Variants in ZNF837 observed in about 807,000 individuals in gnomAD.
ZNF837 encodes zinc finger protein 837.
For synonymous variants in ZNF837, 475 were observed against 365.2 expected (o/e 1.30, Z -3.43); for missense variants, 955 against 801.7 (o/e 1.19, Z -2.31).
At chr19:58,372,938 G>A (rs1174937541) in intron 1 of ZNF837, among the ~76,000 whole-genome samples, 2 of 152,228 alleles carry the variant, frequency 1.3e-5, no homozygotes, top group Non-Finnish European at 2.9e-5. Context: ...GAAAGGCCCA[G>A]TGCCAAGGGT....
chr19:58,369,097 C>A lies in ZNF837; in HGVS notation c.236G>T (p.Arg79Leu). The change falls in exon 3 of 3, where the codon CGG becomes CTG. Residue 79 changes from arginine (R) to leucine (L), a missense_variant. Transcript: ENST00000597582. Reference protein sequence around the residue: ...SLGVSPGPGTRHSAGTRPLVR... With the variant: ...SLGVSPGPGTLHSAGTRPLVR... Reference sequence around the variant, plus strand: ...GAGGGGTCTGGTCCCGGCGCTGTGCCGGGTCCCCGGGCCGGGGCTCACCCC... The same window carrying A: ...GAGGGGTCTGGTCCCGGCGCTGTGCAGGGTCCCCGGGCCGGGGCTCACCCC... 2 of 1,507,194 alleles carry A rather than the reference C, an allele frequency of 1.3e-6. No homozygotes were observed. The highest frequency in any genetic ancestry group is 2.5e-5 in the South Asian group (2 of 78,548). The allele number at this position is 1,507,194 out of a possible 1,614,324, so 93.4% of individuals were successfully genotyped here.
At chr19:58,380,632 T>G (rs1255372935) in intron 1 of ZNF837, among the ~76,000 whole-genome samples, 1 of 152,140 alleles carries the variant, frequency 6.6e-6, no homozygotes, top group Non-Finnish European at 1.5e-5. Context: ...TGGGCTTGAC[T>G]CCGAGAGCCG....
At chr19:58,376,156 T>A (rs934214436) in intron 1 of ZNF837, among the ~76,000 whole-genome samples, 4 of 151,972 alleles carry the variant, frequency 2.6e-5, no homozygotes, top group African/African-American at 9.7e-5. Context: ...TGGCCTCAAG[T>A]GATCCCCCTG....
chr19:58,370,980 G>A (rs529377703), intron 1 of ZNF837, among the ~76,000 whole-genome samples: 2 of 151,744 alleles, frequency 1.3e-5, no homozygotes, highest in South Asian at 2.1e-4. Flanking sequence ...GGTGGCTCAC[G>A]CCTGTAATCC....
Position 58,368,608 on chromosome 19 carries a change from GCC to G in ZNF837, c.723_724del (p.Gln241HisfsTer10), listed in dbSNP as rs1446133586. On this transcript the variant is annotated frameshift_variant, in exon 3 of 3. Coordinates refer to ENST00000597582, the MANE Select transcript of ZNF837 (RefSeq NM_138466.2). LOFTEE classifies it low-confidence loss of function (END_TRUNC). ...AGGACACACTGGGGGACTCTTGCCC[GCC>G]TGCTGCTGCTGGTTGGGGCGGAAGC... is the stretch of plus-strand genomic sequence containing the variant. 4 of 1,532,880 alleles carry G rather than the reference GCC, an allele frequency of 2.6e-6. No individual in the cohort carries two copies. The highest frequency in any genetic ancestry group is 1.2e-5 in the South Asian group (1 of 83,568). 95.0% of individuals were successfully genotyped at this position (1,532,880 alleles called of 1,614,324 possible).
intron 2 of ZNF837, 78 bp from the exon 3 acceptor site, chr19:58,369,439 C>A: frequency 1.6e-6 from 2 of 1,223,542 alleles, no homozygotes; most frequent in Non-Finnish European, 2.1e-6. Context: ...CGAGCGACCA[C>A]CCCACAGCTG....
At chr19:58,372,102 T>C (rs1193239312) in intron 1 of ZNF837, among the ~76,000 whole-genome samples, 1 of 151,592 alleles carries the variant, frequency 6.6e-6, no homozygotes, top group East Asian at 1.9e-4. Flanking sequence ...TTGCCCAGGC[T>C]GGAATGAAGT....
Position 58,368,512 on chromosome 19 carries a change from T to G in ZNF837, c.821A>C (p.Asp274Ala). ...DPPAQRLYAC[D>A]ECGKAFTRTS... is the part of the protein sequence containing the mutation. Reference sequence around the variant, plus strand: ...GCGCGTGAAGGCCTTGCCGCACTCGTCGCAAGCGTACAGTCGCTGGGCCGG... The same window carrying G: ...GCGCGTGAAGGCCTTGCCGCACTCGGCGCAAGCGTACAGTCGCTGGGCCGG... The change falls in exon 3 of 3, where the codon GAC becomes GCC. Residue 274 changes from aspartate to alanine, a missense_variant. Asp to Ala is a moderately radical substitution (Grantham distance 126). Coordinates refer to ENST00000597582, the MANE Select transcript of ZNF837 (RefSeq NM_138466.2). 6.5e-7 allele frequency: 1 copy of G among 1,546,644 alleles called. No individual in the cohort carries two copies. The highest frequency in any genetic ancestry group is 8.7e-7 in the Non-Finnish European group (1 of 1,147,004).
At chr19:58,373,752 C>G (rs2052219950) in intron 1 of ZNF837, among the ~76,000 whole-genome samples, 1 of 152,264 alleles carries the variant, frequency 6.6e-6, no homozygotes, top group Admixed American at 6.5e-5. Flanking sequence ...ATGAATCTAA[C>G]CCACAGACAC....
At chr19:58,376,634 T>A (rs1391187746) in intron 1 of ZNF837, among the ~76,000 whole-genome samples, 5 of 149,568 alleles carry the variant, frequency 3.3e-5, no homozygotes, top group Admixed American at 6.6e-5. Flanking sequence ...AAACAAGTTC[T>A]TTTAAATCTC....
At chr19:58,379,025 G>A (rs1305294307) in intron 1 of ZNF837, among the ~76,000 whole-genome samples, 1 of 152,204 alleles carries the variant, frequency 6.6e-6, no homozygotes, top group African/African-American at 2.4e-5. Flanking sequence ...GTTTTAAACT[G>A]CCCAGTTTGT....
chr19:58,369,985 C>T (rs1188589999), intron 1 of ZNF837, 57 bp from the exon 2 acceptor site: 1 of 152,184 alleles, frequency 6.6e-6, no homozygotes, highest in Non-Finnish European at 1.5e-5. Context: ...AGACAGGCAG[C>T]CCAGATCATT....
chr19:58,367,840 G>A lies in ZNF837; in HGVS notation c.1493C>T (p.Thr498Met), dbSNP rs1343663926. ...CSLVRHLRTH[T>M]GERPYACGDC... ...TCCGCACGCGTAGGGCCGCTCGCCCGTGTGCGTGCGCAGGTGGCGCACCAG... is the reference window on the plus strand; with the variant it reads ...TCCGCACGCGTAGGGCCGCTCGCCCATGTGCGTGCGCAGGTGGCGCACCAG... Residue 498 changes from threonine (T) to methionine (M), a missense_variant, in exon 3 of 3, where the codon ACG becomes ATG. Coordinates refer to ENST00000597582, the MANE Select transcript of ZNF837 (RefSeq NM_138466.2). The A allele has an allele frequency of 2.7e-5, 41 of 1,535,794 alleles. No individual in the cohort carries two copies. Among genetic ancestry groups the A allele is most frequent in the African/African-American group, 9.6e-5 (7 of 72,814 alleles).
chr19:58,369,500 A>G (rs1179250146), intron 2 of ZNF837, 139 bp from the exon 3 acceptor site: 4 of 620,406 alleles, frequency 6.4e-6, no homozygotes, highest in Non-Finnish European at 9.5e-6. Context: ...GGGTAAATGG[A>G]GTGACATAGG....
At chr19:58,377,005 C>T (rs1287623910) in intron 1 of ZNF837, among the ~76,000 whole-genome samples, 1 of 151,694 alleles carries the variant, frequency 6.6e-6, no homozygotes, top group Non-Finnish European at 1.5e-5. Context: ...ATCACGAGGT[C>T]AGGAGATTGA....
chr19:58,375,448 G>A (rs2052237366), intron 1 of ZNF837, among the ~76,000 whole-genome samples: 1 of 150,440 alleles, frequency 6.6e-6, no homozygotes, highest in Admixed American at 6.6e-5. Context: ...GTTTTGTTTT[G>A]TTTTGTTTTG....
In ZNF837 at chr19:58,368,144, C is replaced by A; in HGVS notation, c.1189G>T (p.Gly397Cys). The A allele has an allele frequency of 6.3e-7, 1 of 1,588,454 alleles. No individual in the cohort carries two copies. The highest frequency in any genetic ancestry group is 1.1e-5 in the South Asian group (1 of 88,268). ...GEKPYACPEC[G>C]KAFNQRSNLS... The stretch of plus-strand genomic sequence containing the variant: ...TTCGAGCGCTGGTTGAAGGCCTTGC[C>A]GCACTCGGGGCACGCGTAGGGCTTC... Residue 397 changes from glycine to cysteine, a missense_variant, in exon 3 of 3, where the codon GGC becomes TGC. Gly to Cys is a radical substitution (Grantham distance 159, BLOSUM62 -3). Transcript: ENST00000597582.
intron 1 of ZNF837, among the ~76,000 whole-genome samples, chr19:58,379,424 G>A (rs986919365): frequency 1.3e-5 from 2 of 152,186 alleles, no homozygotes; most frequent in Non-Finnish European, 2.9e-5. Context: ...CTGCTCCCAG[G>A]ATGCACTGTC....
In ZNF837 at chr19:58,368,924, G is replaced by T. The variant is rs1023070625; in HGVS notation, c.409C>A (p.Pro137Thr). 6.5e-7 allele frequency: 1 copy of T among 1,546,506 alleles called. No individual in the cohort carries two copies. The highest frequency in any genetic ancestry group is 8.7e-7 in the Non-Finnish European group (1 of 1,144,962). ...CACACGGGTGGCGTCTCCCCAGCGGGCGCCCCGCGATGCCACGCCAGGCAG... is the reference window on the plus strand; with the variant it reads ...CACACGGGTGGCGTCTCCCCAGCGGTCGCCCCGCGATGCCACGCCAGGCAG... ...NSCLAWHRGA[P>T]AGETPPVCDP... Residue 137 changes from proline to threonine, a missense_variant, in exon 3 of 3, where the codon CCC becomes ACC. Transcript: ENST00000597582.
Sources: gnomAD v4.1 joint callset for allele counts (sites outside exome capture counted in the v4.1 genomes callset) on GRCh38, gnomAD v4.1.1 for gene constraint, MANE v1.5 for transcripts, NCBI Gene and HGNC (gene_info 2026-07-23, HGNC 2026-07-21) for gene names.